The following PICK1 variants were observed in gnomAD, a reference collection of about 807,000 sequenced individuals.
PICK1 encodes the protein protein interacting with PRKCA 1, also known as PRKCA-binding protein.
A neutral mutation model predicts 48.9 loss-of-function variants in PICK1; 23 were observed. The observed-to-expected ratio is 0.47, with a 90% CI of 0.34 to 0.67. The LOEUF is 0.67. Among genes scored for constraint, PICK1 ranks in the 30% least tolerant of loss-of-function variants. The pLI, the probability that PICK1 is intolerant of heterozygous loss-of-function variation, is 0.01. For missense variants in PICK1, 423 were observed against 557.1 expected (o/e 0.76, Z 2.42); for synonymous variants, 217 against 228.2 (o/e 0.95, Z 0.44).
chr22:38,071,941 A>G, intron 8 of PICK1, 197 bp downstream of exon 8: 2 of 644,140 alleles, frequency 3.1e-6, no homozygotes, highest in Non-Finnish European at 2.8e-6. Flanking sequence ...CGCAACGATG[A>G]ACAGGCCCCA....
At position 38,074,258 on chromosome 22, in the gene PICK1, G is replaced by A. The variant is rs745768148; in HGVS notation, c.835-49G>A. ...AGCCGTGGCTTTGAAAGCACAGTGC[G>A]GTGCGAGGCCGTCCCTGAGCAGGCA... is the stretch of plus-strand genomic sequence containing the variant. On this transcript the variant is annotated intron_variant, in intron 11 of 12. Coordinates refer to ENST00000356976, the MANE Select transcript of PICK1 (RefSeq NM_012407.4). The surrounding 1 kb of genome is among the most constrained non-coding windows in gnomAD (Gnocchi z 4.5). The A allele has an allele frequency of 5.0e-6, 8 of 1,605,448 alleles. No homozygotes were observed. Among genetic ancestry groups the A allele is most frequent in the South Asian group, 3.3e-5 (3 of 90,906 alleles).
In PICK1 at chr22:38,059,215, A is replaced by G; in HGVS notation, c.42-19A>G. The G allele has an allele frequency of 6.5e-7, 1 of 1,540,902 alleles. No homozygotes were observed. Among genetic ancestry groups the G allele is most frequent in the East Asian group, 2.4e-5 (1 of 41,418 alleles). ...ATCCTTCTGCCAGGAGAGTCAGCCTAGCTTGCTTTCCTTTCTAGCGGAATC... is the reference window on the plus strand; with the variant it reads ...ATCCTTCTGCCAGGAGAGTCAGCCTGGCTTGCTTTCCTTTCTAGCGGAATC... On this transcript the variant is annotated intron_variant, in intron 2 of 12. Transcript: ENST00000356976.
intron 8 of PICK1, 34 bp from the exon 9 acceptor site, chr22:38,072,443 T>A (rs758321287): frequency 4.0e-5 from 65 of 1,605,742 alleles, no homozygotes; most frequent in Non-Finnish European, 1.7e-6. Context: ...GGGGGCCAAG[T>A]AGGGGCAGCC....
Position 38,073,662 on chromosome 22 carries a change from T to G in PICK1, c.784-111T>G, listed in dbSNP as rs907775758. The G allele has an allele frequency of 4.0e-6, 4 of 992,788 alleles. No individual in the cohort carries two copies. In the African/African-American group the frequency reaches 4.8e-5, roughly 12 times the overall value. 61.5% of individuals were successfully genotyped at this position (992,788 alleles called of 1,614,324 possible). On this transcript the variant is annotated intron_variant, in intron 10 of 12. Coordinates refer to ENST00000356976, the MANE Select transcript of PICK1 (RefSeq NM_012407.4). This position sits in a 1 kb window ranked among gnomAD's most constrained non-coding sequence, Gnocchi z 5.7. ...CACCTGCCGCTGCCCGCTCTGGGAC[T>G]CCCTGAACACCTGCGCCAGCCTCTC... is the stretch of plus-strand genomic sequence containing the variant.
intron 6 of PICK1, among the ~76,000 whole-genome samples, chr22:38,069,482 C>T (rs754189239): frequency 1.3e-5 from 2 of 152,252 alleles, no homozygotes; most frequent in African/African-American, 2.4e-5. Flanking sequence ...GCCCTTGCCT[C>T]TGCAGGTCCT....
At position 38,073,937 on chromosome 22, in the gene PICK1, T is replaced by A; in HGVS notation, c.834+114T>A. The A allele has an allele frequency of 9.1e-7, 1 of 1,095,812 alleles. No homozygotes were observed. The highest frequency in any genetic ancestry group is 1.4e-6 in the Non-Finnish European group (1 of 719,892). 67.9% of individuals were successfully genotyped at this position (1,095,812 alleles called of 1,614,324 possible). A position where few individuals can be genotyped will look rare whatever the true frequency, so the allele number is the denominator to read the frequency against. On this transcript the variant is annotated intron_variant, in intron 11 of 12. Transcript: ENST00000356976. The surrounding 1 kb of genome is among the most constrained non-coding windows in gnomAD (Gnocchi z 5.7). Reference sequence around the variant, plus strand: ...CGGGGGGACTTGGCTGGACTCTCGTTCCTGGAGATTTAGGGCCATCTTCCC... The same window carrying A: ...CGGGGGGACTTGGCTGGACTCTCGTACCTGGAGATTTAGGGCCATCTTCCC...
At chr22:38,057,727 T>C in intron 1 of PICK1, 26 bp from the exon 2 acceptor site, 1 of 1,297,010 alleles carries the variant, frequency 7.7e-7, no homozygotes, top group Non-Finnish European at 1.1e-6. Flanking sequence ...CCTTAAATCC[T>C]ATGCTCCTTT....
chr22:38,062,760 T>G (rs1358478817), intron 3 of PICK1, among the ~76,000 whole-genome samples: 3 of 152,202 alleles, frequency 2.0e-5, no homozygotes, highest in Non-Finnish European at 4.4e-5. Flanking sequence ...TTTTGGTCAT[T>G]GTGGTTCCCA....
Position 38,075,170 on chromosome 22 carries a change from G to C in PICK1, c.*38G>C. The stretch of plus-strand genomic sequence containing the variant: ...TGTGGTGCCGGGGGCAGGGTGCGTG[G>C]GAGGACGGAGCCTGGGAGCGGGGCG... On this transcript the variant is annotated 3_prime_UTR_variant, in exon 13 of 13. Coordinates refer to ENST00000356976, the MANE Select transcript of PICK1 (RefSeq NM_012407.4). 6.3e-7 allele frequency: 1 copy of C among 1,587,284 alleles called. No individual in the cohort carries two copies. The highest frequency in any genetic ancestry group is 8.6e-7 in the Non-Finnish European group (1 of 1,166,106).
chr22:38,072,641 C>T (rs770075550), intron 9 of PICK1, 31 bp downstream of exon 9: 5 of 1,610,850 alleles, frequency 3.1e-6, no homozygotes, highest in African/African-American at 1.3e-5. Context: ...GTGTGTCTGG[C>T]GTGTGAGGGT....
chr22:38,063,443 T>A (rs2085454546), intron 3 of PICK1, among the ~76,000 whole-genome samples: 1 of 151,702 alleles, frequency 6.6e-6, no homozygotes. Flanking sequence ...CCTTGGTCTA[T>A]TTTTGAATTA....
intron 4 of PICK1, 141 bp from the exon 5 acceptor site, chr22:38,067,563 C>T (rs567072519): frequency 1.4e-6 from 1 of 717,084 alleles, no homozygotes; most frequent in Admixed American, 2.0e-5. Context: ...CCTGCCTCAG[C>T]CTCCCAAATT....
chr22:38,057,454 C>A lies in PICK1; in HGVS notation c.-191C>A, dbSNP rs1482270231. 8.7e-6 allele frequency: 3 copies of A among 344,066 alleles called. No homozygotes were observed. The East Asian group carries it at 1.6e-4, about 19-fold the overall frequency. The allele number at this position is 344,066 out of a possible 1,614,324, so 21.3% of individuals were successfully genotyped here. A position where few individuals can be genotyped will look rare whatever the true frequency, so the allele number is the denominator to read the frequency against. ...AACGGCAGGTGGGTTCAGGTACCAG[C>A]CTGGCCGGGACCCGGCTGTGGGACC... On this transcript the variant is annotated 5_prime_UTR_variant, in exon 1 of 13. Transcript: ENST00000356976.
In PICK1 at chr22:38,073,938, C is replaced by A; in HGVS notation, c.834+115C>A. ...GGGGGGACTTGGCTGGACTCTCGTTCCTGGAGATTTAGGGCCATCTTCCCA... is the reference window on the plus strand; with the variant it reads ...GGGGGGACTTGGCTGGACTCTCGTTACTGGAGATTTAGGGCCATCTTCCCA... On this transcript the variant is annotated intron_variant, in intron 11 of 12. Transcript: ENST00000356976. The surrounding 1 kb of genome is among the most constrained non-coding windows in gnomAD (Gnocchi z 5.7). 1.8e-6 allele frequency: 2 copies of A among 1,095,334 alleles called. No homozygotes were observed. The highest frequency in any genetic ancestry group is 2.4e-5 in the East Asian group (1 of 41,282). 67.9% of individuals were successfully genotyped at this position (1,095,334 alleles called of 1,614,324 possible).
rs554847280 is a variant in PICK1 at position 38,066,366 on chromosome 22, C to G, written c.282+1236C>G. Among the ~76,000 whole-genome samples the G allele has an allele frequency of 6.6e-6, 1 of 152,348 alleles. No homozygotes were observed. The highest frequency in any genetic ancestry group is 1.9e-4 in the East Asian group (1 of 5,182). ...CCTCCGCATCTCCTCCCCATCTCCA[C>G]TCGCCAGGTCCCTCCCTGTCCTCTC... On this transcript the variant is annotated intron_variant, in intron 4 of 12. Coordinates refer to ENST00000356976, the MANE Select transcript of PICK1 (RefSeq NM_012407.4). The surrounding 1 kb of genome is among the most constrained non-coding windows in gnomAD (Gnocchi z 4.1).
At chr22:38,067,855 GCCCTC>G in intron 5 of PICK1, 85 bp downstream of exon 5, 1 of 1,086,220 alleles carries the variant, frequency 9.2e-7, no homozygotes, top group Non-Finnish European at 1.4e-6. Context: ...AGCCAGCCCT[GCCCTC>G]CCCTTTATGA....
At chr22:38,057,971 AG>A in intron 2 of PICK1, 121 bp downstream of exon 2, 1 of 811,098 alleles carries the variant, frequency 1.2e-6, no homozygotes, top group Non-Finnish European at 2.2e-6. Context: ...GTACTGAAGC[AG>A]CAATGGACCC....
Position 38,064,685 on chromosome 22 carries a change from C to T in PICK1, c.154-317C>T, listed in dbSNP as rs1396612893. On this transcript the variant is annotated intron_variant, in intron 3 of 12. Transcript: ENST00000356976. ...CTGAGGCAGGAGAATTGCTTGAACCCGGGAGGCGGAGGTTGCGGTGAGCGA... is the reference window on the plus strand; with the variant it reads ...CTGAGGCAGGAGAATTGCTTGAACCTGGGAGGCGGAGGTTGCGGTGAGCGA... Among the ~76,000 whole-genome samples the T allele has an allele frequency of 7.2e-5, 11 of 152,134 alleles. No homozygotes were observed. In the South Asian group the frequency reaches 8.3e-4, roughly 11 times the overall value.
intron 6 of PICK1, among the ~76,000 whole-genome samples, chr22:38,070,015 G>T (rs1030172320): frequency 1.3e-5 from 2 of 152,310 alleles, no homozygotes; most frequent in African/African-American, 4.8e-5. Flanking sequence ...AGGTGCTAAG[G>T]CTCTGGGGAA....
Sources: gnomAD v4.1 joint callset for allele counts (sites outside exome capture counted in the v4.1 genomes callset) on GRCh38, gnomAD v4.1.1 for gene constraint, Gnocchi (gnomAD v3.1) non-coding constraint, MANE v1.5 for transcripts, NCBI Gene and HGNC (gene_info 2026-07-23, HGNC 2026-07-21) for gene names.